FN1: variants seen among roughly 807,000 people sequenced by gnomAD.
FN1 encodes fibronectin 1, also known as fibronectin.
Under a neutral mutation model 297.3 loss-of-function variants are expected in FN1, and 106 were observed. That is an observed-to-expected ratio of 0.36 (90% CI 0.30 to 0.42). The LOEUF (loss-of-function observed/expected upper bound fraction) is 0.42, where lower values mean the gene tolerates loss of function less well. Ranked by LOEUF, FN1 falls within the 10% of genes least tolerant of loss-of-function variation. FN1 has a pLI of 1.00. For synonymous variants in FN1, 1,149 were observed against 1,152.6 expected (o/e 1.00, Z 0.06); for missense variants, 2,690 against 3,124.9 (o/e 0.86, Z 3.32).
chr2:215,430,612 T>C (rs560211702), intron 5 of FN1, 103 bp downstream of exon 5: 2 of 1,344,720 alleles, frequency 1.5e-6, no homozygotes, highest in East Asian at 2.4e-5. Flanking sequence ...CAAAGCATGC[T>C]GATATACTGG....
intron 42 of FN1, among the ~76,000 whole-genome samples, chr2:215,367,221 A>ATT (rs1270079768): frequency 4.6e-5 from 7 of 152,248 alleles, no homozygotes; most frequent in African/African-American, 1.7e-4. Flanking sequence ...ATCTCAAAGC[A>ATT]TAATAGATAT....
intron 17 of FN1, among the ~76,000 whole-genome samples, chr2:215,407,644 C>T (rs534890248): frequency 5.3e-5 from 8 of 152,170 alleles, no homozygotes; most frequent in Middle Eastern, 3.4e-3. Context: ...GAGCTCCAGA[C>T]GAGGGAAGCA....
At chr2:215,423,592 T>A (rs1326192403) in intron 8 of FN1, 66 bp from the exon 9 acceptor site, 21 of 1,479,680 alleles carry the variant, frequency 1.4e-5, no homozygotes, top group Non-Finnish European at 1.9e-5. Flanking sequence ...GTACACAGAA[T>A]TACTGGTCTG....
intron 11 of FN1, 58 bp downstream of exon 11, chr2:215,420,615 T>C (rs897256955): frequency 5.0e-6 from 8 of 1,607,142 alleles, no homozygotes; most frequent in Non-Finnish European, 6.0e-6. Context: ...TTTTCTTATC[T>C]GAAACTTGCT....
intron 12 of FN1, among the ~76,000 whole-genome samples, chr2:215,418,834 C>A (rs554454707): frequency 1.3e-5 from 2 of 152,172 alleles, no homozygotes; most frequent in Non-Finnish European, 2.9e-5. Context: ...TGAACACGTA[C>A]CTTATGCTGC....
rs908668344 is a variant in FN1, at chr2:215,428,285, T to C, written c.739A>G (p.Ser247Gly). The change falls in exon 6 of 46, where the codon AGC becomes GGC. Residue 247 changes from serine (S) to glycine (G), a missense_variant. Physicochemically the swap from Ser to Gly is moderately conservative, Grantham distance 56. This residue lies in a region of FN1 where 876 missense variants were observed against 1,058.1 expected (regional missense o/e 0.83). Transcript: ENST00000354785. ...AGGTTTCCTCGATTATCCTTCTTGC[T>C]CCAGGTGTCTCCAATTCTATAGGAT... Reference protein sequence around the residue: ...RTSYRIGDTWSKKDNRGNLLQ... With the variant: ...RTSYRIGDTWGKKDNRGNLLQ... 1 of 1,614,202 alleles carries C rather than the reference T, an allele frequency of 6.2e-7. No homozygotes were observed. The highest frequency in any genetic ancestry group is 8.5e-7 in the Non-Finnish European group (1 of 1,179,992).
chr2:215,381,337 G>C, intron 32 of FN1: 1 of 526,058 alleles, frequency 1.9e-6, no homozygotes, highest in South Asian at 2.1e-5. Flanking sequence ...CAATGGGGAT[G>C]TATTTATATT....
intron 12 of FN1, among the ~76,000 whole-genome samples, chr2:215,415,209 T>G (rs1434373791): frequency 5.1e-5 from 7 of 138,000 alleles, no homozygotes; most frequent in African/African-American, 1.8e-4. Flanking sequence ...TAAAATATAT[T>G]TTTAAAAAAA....
At chr2:215,389,185 C>T (rs1392174673) in intron 26 of FN1, among the ~76,000 whole-genome samples, 1 of 152,016 alleles carries the variant, frequency 6.6e-6, no homozygotes, top group Admixed American at 6.6e-5. Flanking sequence ...CTCACTGAAA[C>T]CTCTGCCTCC....
intron 44 of FN1, 120 bp downstream of exon 44, chr2:215,364,757 GAA>G: frequency 1.4e-6 from 1 of 719,330 alleles, no homozygotes. Context: ...ATGCCAACAG[GAA>G]ATGTGGTATT....
chr2:215,415,413 C>A (rs1326649463), intron 12 of FN1, among the ~76,000 whole-genome samples: 2 of 152,144 alleles, frequency 1.3e-5, no homozygotes, highest in South Asian at 2.1e-4. Context: ...AAGGAAACAA[C>A]ATTCCAAAGG....
intron 4 of FN1, 45 bp from the exon 5 acceptor site, chr2:215,430,897 G>GA: frequency 6.2e-7 from 1 of 1,606,274 alleles, no homozygotes; most frequent in Non-Finnish European, 8.5e-7. Flanking sequence ...AGGTTATTTT[G>GA]AATTGTGCAA....
intron 28 of FN1, 94 bp downstream of exon 28, chr2:215,386,587 TTTTTTTTG>T: frequency 6.5e-5 from 38 of 589,134 alleles, no homozygotes; most frequent in South Asian, 2.5e-4. Flanking sequence ...TTTTTTTTTT[TTTTTTTTG>T]AGAGCTGATG....
intron 21 of FN1, among the ~76,000 whole-genome samples, chr2:215,398,591 T>A (rs1363530402): frequency 6.6e-6 from 1 of 152,226 alleles, no homozygotes; most frequent in Non-Finnish European, 1.5e-5. Context: ...ACAAACTTTA[T>A]CTTTGGTGTA....
At chr2:215,421,053 T>G (rs1339756490) in intron 10 of FN1, 4 of 456,754 alleles carry the variant, frequency 8.8e-6, no homozygotes, top group Non-Finnish European at 1.6e-5. Flanking sequence ...AAGTAAAGAA[T>G]GTGGTAAAAT....
chr2:215,381,057 C>T lies in FN1; in HGVS notation c.5188G>A (p.Ala1730Thr). 1 of 1,614,090 alleles carries T rather than the reference C, an allele frequency of 6.2e-7. No individual in the cohort carries two copies. Among genetic ancestry groups the T allele is most frequent in the Non-Finnish European group, 8.5e-7 (1 of 1,179,930 alleles). The change falls in exon 33 of 46, where the codon GCA (alanine) becomes ACA (threonine). Residue 1730 changes from alanine (A) to threonine (T), a missense_variant. Physicochemically the swap from Ala to Thr is moderately conservative, Grantham distance 58. Transcript: ENST00000354785. ...GAATCGACATCCACATCAGTGAATG[C>T]CAGTCCTTTAGGGCGATCAATGTCT... ...VTNIDRPKGL[A>T]FTDVDVDSIK...
At chr2:215,431,471 A>G (rs986388026) in intron 4 of FN1, among the ~76,000 whole-genome samples, 1 of 152,174 alleles carries the variant, frequency 6.6e-6, no homozygotes, top group Admixed American at 6.5e-5. Context: ...GGTCCAGGAC[A>G]TTCCATATAG....
rs748276504 is a variant in FN1 at position 215,404,581 on chromosome 2, G to C, written c.3061C>G (p.Arg1021Gly). 33 of 1,613,990 alleles carry C rather than the reference G, an allele frequency of 2.0e-5. No individual in the cohort carries two copies. Among genetic ancestry groups the C allele is most frequent in the Non-Finnish European group, 2.7e-5 (32 of 1,179,864 alleles). ...AGTCGGTATCCTGTTATCTGGGCCCGAGGTGGAGTCCATCTCACCAGGACA... is the reference window on the plus strand; with the variant it reads ...AGTCGGTATCCTGTTATCTGGGCCCCAGGTGGAGTCCATCTCACCAGGACA... The part of the protein sequence containing the change: ...STVLVRWTPP[R>G]AQITGYRLTV... The change falls in exon 20 of 46, where the codon CGG (arginine) becomes GGG (glycine). Residue 1021 changes from arginine (R) to glycine (G), a missense_variant. By Grantham distance (125) the Arg-to-Gly change is moderately radical (BLOSUM62 -2). This residue lies in a region of FN1 where 1,743 missense variants were observed against 1,945.2 expected (regional missense o/e 0.90). Transcript: ENST00000354785.
chr2:215,377,432 G>A (rs2057490803), intron 35 of FN1, among the ~76,000 whole-genome samples: 1 of 152,082 alleles, frequency 6.6e-6, no homozygotes, highest in African/African-American at 2.4e-5. Flanking sequence ...GAGTTCTCAA[G>A]AGACTGGGTC....
Sources: allele counts gnomAD v4.1 joint callset (sites outside exome capture counted in the v4.1 genomes callset), GRCh38; gene constraint gnomAD v4.1.1; regional missense constraint gnomAD v4.1.1; transcripts MANE v1.5; gene names NCBI Gene and HGNC (gene_info 2026-07-23, HGNC 2026-07-21).